The following KATNIP variants were observed in gnomAD, a reference collection of about 807,000 sequenced individuals.
KATNIP encodes the protein katanin interacting protein, also known as katanin-interacting protein.
KATNIP carries 126 observed loss-of-function variants against 174.0 expected under a neutral mutation model. That is an observed-to-expected ratio of 0.72 (90% CI 0.63 to 0.84). The LOEUF is 0.84. KATNIP is among the 40% of genes least tolerant of loss of function. KATNIP has a pLI of 0.00. For synonymous variants in KATNIP, 810 were observed against 835.7 expected (o/e 0.97, Z 0.53); for missense variants, 1,958 against 2,109.7 (o/e 0.93, Z 1.41).
intron 2 of KATNIP, among the ~76,000 whole-genome samples, chr16:27,602,113 AT>A (rs1247181274): frequency 6.6e-6 from 1 of 152,146 alleles, no homozygotes; most frequent in African/African-American, 2.4e-5. Flanking sequence ...CTTCTCAATT[AT>A]TAGAGGCTGT....
At chr16:27,755,915 G>A (rs1376843268) in intron 18 of KATNIP, among the ~76,000 whole-genome samples, 1 of 152,208 alleles carries the variant, frequency 6.6e-6, no homozygotes, top group Non-Finnish European at 1.5e-5. Context: ...TTACAGGCAT[G>A]AGCCACTGTG....
intron 14 of KATNIP, among the ~76,000 whole-genome samples, chr16:27,737,107 T>C (rs12921346): frequency 0.17 from 25,945 of 152,086 alleles, 2,443 homozygotes; most frequent in African/African-American, 0.24. Context: ...ACCAGGCACA[T>C]TGACTCACAC....
chr16:27,640,722 G>A (rs1280543197), intron 5 of KATNIP, among the ~76,000 whole-genome samples: 1 of 114,470 alleles, frequency 8.7e-6, no homozygotes, highest in South Asian at 2.6e-4. Context: ...TCAGAACCTT[G>A]TATGCAGTCG....
chr16:27,579,186 T>G (rs992257455), intron 2 of KATNIP, among the ~76,000 whole-genome samples: 1 of 152,242 alleles, frequency 6.6e-6, no homozygotes, highest in Non-Finnish European at 1.5e-5. Context: ...GCATCCACAC[T>G]GGTGCCCAGG....
intron 20 of KATNIP, among the ~76,000 whole-genome samples, chr16:27,769,454 C>G (rs777937825): frequency 6.6e-6 from 1 of 152,196 alleles, no homozygotes; most frequent in African/African-American, 2.4e-5. Flanking sequence ...AACTCATGAC[C>G]GTGCCCATTT....
At chr16:27,646,539 T>C (rs1010343709) in intron 5 of KATNIP, among the ~76,000 whole-genome samples, 7 of 151,782 alleles carry the variant, frequency 4.6e-5, no homozygotes, top group African/African-American at 1.7e-4. Flanking sequence ...ACAAGGGAGG[T>C]GTTTCCTGAA....
rs1458516459 is a variant in KATNIP at position 27,621,392 on chromosome 16, T to A, written c.140+2891T>A. The stretch of plus-strand genomic sequence containing the variant: ...CTATTCTCCATTTTCTATACCCTCG[T>A]TTTCCCATATTAGAGCCATTCTCAG... On this transcript the variant is annotated intron_variant, in intron 3 of 27. Transcript: ENST00000261588. Among the ~76,000 whole-genome samples the A allele has an allele frequency of 3.3e-5, 5 of 152,240 alleles. No individual in the cohort carries two copies. The East Asian group carries it at 9.7e-4, about 30-fold the overall frequency.
At chr16:27,716,475 T>TA (rs1011594381) in intron 13 of KATNIP, among the ~76,000 whole-genome samples, 13 of 145,608 alleles carry the variant, frequency 8.9e-5, no homozygotes, top group African/African-American at 1.3e-4. Context: ...ATATCTCAAT[T>TA]AAAAAAAAAA....
At chr16:27,591,479 C>T (rs2075164286) in intron 2 of KATNIP, among the ~76,000 whole-genome samples, 1 of 152,142 alleles carries the variant, frequency 6.6e-6, no homozygotes, top group Admixed American at 6.6e-5. Context: ...CCACGCCTGG[C>T]CGGAGTTGTG....
chr16:27,772,904 CACAT>C (rs1414131103), intron 22 of KATNIP, among the ~76,000 whole-genome samples, 191 bp from the exon 23 acceptor site: 1 of 152,126 alleles, frequency 6.6e-6, no homozygotes, highest in African/African-American at 2.4e-5. Flanking sequence ...CACACACACA[CACAT>C]GCACACACAT....
intron 22 of KATNIP, 76 bp downstream of exon 22, chr16:27,771,728 G>A: frequency 6.7e-7 from 1 of 1,484,438 alleles, no homozygotes; most frequent in South Asian, 1.2e-5. Context: ...CCCAGCCAGG[G>A]TTTCAGGCGG....
intron 8 of KATNIP, among the ~76,000 whole-genome samples, chr16:27,689,678 G>A (rs1009755368): frequency 2.6e-5 from 4 of 152,142 alleles, no homozygotes; most frequent in Non-Finnish European, 4.4e-5. Context: ...CAGGTCTGTC[G>A]GCTAACTATT....
chr16:27,656,415 C>G lies in KATNIP; in HGVS notation c.540+7680C>G, dbSNP rs2077286847. Among the ~76,000 whole-genome samples, 5 of 109,494 alleles carry G rather than the reference C, an allele frequency of 4.6e-5. No homozygotes were observed. In the South Asian group the frequency reaches 1.7e-3, roughly 38 times the overall value. 71.8% of individuals were successfully genotyped at this position (109,494 alleles called of 152,430 possible). A position where few individuals can be genotyped will look rare whatever the true frequency, so the allele number is the denominator to read the frequency against. On this transcript the variant is annotated intron_variant, in intron 6 of 27. Transcript: ENST00000261588. ...CCTAGGCAACAGAGTGAGACTCTGT[C>G]TCAGAAAAAAAAAAAAAAAAAAAAA...
At chr16:27,732,394 C>A (rs371056331) in intron 14 of KATNIP, among the ~76,000 whole-genome samples, 56 of 152,324 alleles carry the variant, frequency 3.7e-4, no homozygotes, top group African/African-American at 1.3e-3. Flanking sequence ...AAGGTCACTT[C>A]CCAATGAAAC....
chr16:27,686,511 T>G (rs368793236), intron 8 of KATNIP, among the ~76,000 whole-genome samples: 2 of 152,260 alleles, frequency 1.3e-5, no homozygotes, highest in East Asian at 1.9e-4. Flanking sequence ...AGCACGTAAT[T>G]GGTTTTTAGT....
At chr16:27,621,787 G>T (rs1018137021) in intron 3 of KATNIP, among the ~76,000 whole-genome samples, 2 of 151,572 alleles carry the variant, frequency 1.3e-5, no homozygotes, top group African/African-American at 4.9e-5. Context: ...GAGAGGGTGG[G>T]GGGGAGGTGC....
intron 20 of KATNIP, 89 bp from the exon 21 acceptor site, chr16:27,769,772 A>G: frequency 2.0e-6 from 3 of 1,495,248 alleles, no homozygotes; most frequent in Non-Finnish European, 2.7e-6. Context: ...TGGTGAGCAC[A>G]GCTGCCAGCA....
At position 27,740,894 on chromosome 16, in the gene KATNIP, A is replaced by T; in HGVS notation, c.2597A>T (p.His866Leu). ...GSRKDAGSSS[H>L]GDDQPASRED... is the part of the protein sequence containing the mutation. ...AGGAAGGATGCTGGCAGCAGTAGTC[A>T]TGGGGACGACCAGCCAGCCAGCAGA... The change falls in exon 15 of 28, where the codon CAT becomes CTT. Residue 866 changes from histidine (H) to leucine (L), a missense_variant. Physicochemically the swap from His to Leu is moderately conservative, Grantham distance 99. Around this residue, in one of 3 missense-constraint regions of KATNIP, gnomAD observed 1,557 missense variants for 1,617.8 expected, o/e 0.96. Transcript: ENST00000261588. 6.2e-7 allele frequency: 1 copy of T among 1,602,070 alleles called. No homozygotes were observed. The highest frequency in any genetic ancestry group is 1.1e-5 in the South Asian group (1 of 88,986).
At chr16:27,709,504 C>A (rs1282260568) in intron 13 of KATNIP, among the ~76,000 whole-genome samples, 2 of 152,120 alleles carry the variant, frequency 1.3e-5, no homozygotes, top group Non-Finnish European at 2.9e-5. Flanking sequence ...TGCCTGTAAT[C>A]CCAGCTACTT....
Sources: gnomAD v4.1 joint callset for allele counts (sites outside exome capture counted in the v4.1 genomes callset) on GRCh38, gnomAD v4.1.1 for gene constraint, gnomAD v4.1.1 regional missense constraint, MANE v1.5 for transcripts, NCBI Gene and HGNC (gene_info 2026-07-23, HGNC 2026-07-21) for gene names.